TGS1: variants seen among roughly 807,000 people sequenced by gnomAD.
TGS1 encodes the protein trimethylguanosine synthase.
Under a neutral mutation model 92.2 loss-of-function variants are expected in TGS1, and 69 were observed. That is an observed-to-expected ratio of 0.75 (90% CI 0.62 to 0.91). The LOEUF (loss-of-function observed/expected upper bound fraction) is 0.91. Among genes scored for constraint, TGS1 ranks in the 40% least tolerant of loss-of-function variants. TGS1 has a pLI of 0.00. For missense variants in TGS1, 1,062 were observed against 1,001.2 expected, an observed-to-expected ratio of 1.06 and a Z score of -0.82; for synonymous variants, 345 against 338.1, an observed-to-expected ratio of 1.02 and a Z score of -0.22.
At chr8:55,806,959 A>G (rs6474021) in intron 10 of TGS1, among the ~76,000 whole-genome samples, 126,332 of 150,662 alleles carry the variant, frequency 0.84, 53,400 homozygotes, top group African/African-American at 0.95. Context: ...ACGGGGTCTC[A>G]CTCTGTCGCC....
intron 1 of TGS1, among the ~76,000 whole-genome samples, chr8:55,774,711 T>G (rs1811333479): frequency 6.6e-6 from 1 of 152,220 alleles, no homozygotes. Flanking sequence ...AAGATCAATA[T>G]TAAGATAACT....
chr8:55,815,499 G>A (rs926114259), intron 12 of TGS1, among the ~76,000 whole-genome samples: 9 of 152,116 alleles, frequency 5.9e-5, no homozygotes, highest in Admixed American at 1.3e-4. Flanking sequence ...CTTTTAGAAT[G>A]TTACAACAAC....
At chr8:55,808,596 C>T (rs970955666) in intron 10 of TGS1, among the ~76,000 whole-genome samples, 7 of 151,702 alleles carry the variant, frequency 4.6e-5, no homozygotes, top group Non-Finnish European at 7.4e-5. Context: ...ACAACCTTCA[C>T]CTCCTGGGTT....
At chr8:55,814,596 G>A (rs1803422680) in intron 12 of TGS1, among the ~76,000 whole-genome samples, 1 of 149,780 alleles carries the variant, frequency 6.7e-6, no homozygotes, top group African/African-American at 2.5e-5. Flanking sequence ...GGCCAAGGCA[G>A]GCAGATCGCT....
chr8:55,795,510 G>A (rs1016510510), intron 6 of TGS1, among the ~76,000 whole-genome samples: 1 of 152,114 alleles, frequency 6.6e-6, no homozygotes, highest in African/African-American at 2.4e-5. Flanking sequence ...GTTAAATCAG[G>A]CATTCTCTAA....
intron 12 of TGS1, among the ~76,000 whole-genome samples, chr8:55,819,006 A>G (rs1803561369): frequency 6.6e-6 from 1 of 152,182 alleles, no homozygotes; most frequent in South Asian, 2.1e-4. Flanking sequence ...GTACAGTGAC[A>G]TGATCACAGC....
intron 1 of TGS1, among the ~76,000 whole-genome samples, chr8:55,781,815 G>A (rs1563450118): frequency 6.6e-6 from 1 of 152,212 alleles, no homozygotes; most frequent in African/African-American, 2.4e-5. Context: ...GAAAAGTTAT[G>A]TTAGCTTCCA....
intron 1 of TGS1, among the ~76,000 whole-genome samples, chr8:55,778,849 G>A (rs1294139532): frequency 6.6e-6 from 1 of 152,186 alleles, no homozygotes; most frequent in East Asian, 1.9e-4. Context: ...CTTATATTCA[G>A]CATTTATTTC....
chr8:55,773,612 TG>T lies in TGS1; in HGVS notation c.-5del. On this transcript the variant is annotated 5_prime_UTR_variant, in exon 1 of 13. Coordinates refer to ENST00000260129, the MANE Select transcript of TGS1 (RefSeq NM_024831.8). Reference sequence around the variant, plus strand: ...GCGTACGTCAGAGCTGCCTCCGAAGTGGTAAAATGTGCTGCGAGAAGTGGAG... The same window carrying T: ...GCGTACGTCAGAGCTGCCTCCGAAGTGTAAAATGTGCTGCGAGAAGTGGAG... 3 of 1,606,910 alleles carry T rather than the reference TG, an allele frequency of 1.9e-6. No individual in the cohort carries two copies. The highest frequency in any genetic ancestry group is 2.5e-6 in the Non-Finnish European group (3 of 1,176,992).
intron 12 of TGS1, among the ~76,000 whole-genome samples, chr8:55,819,377 A>C (rs1241867594): frequency 7.4e-6 from 1 of 135,526 alleles, no homozygotes; most frequent in African/African-American, 2.8e-5. Flanking sequence ...GCTCACCACA[A>C]CCTCCACTTC....
chr8:55,821,716 AC>A (rs1325877970), intron 12 of TGS1, among the ~76,000 whole-genome samples: 3 of 151,936 alleles, frequency 2.0e-5, no homozygotes, highest in African/African-American at 4.8e-5. Flanking sequence ...TACTAAAAAT[AC>A]AAAAAATTAG....
chr8:55,785,383 G>A (rs1254944173), intron 2 of TGS1, among the ~76,000 whole-genome samples: 1 of 151,694 alleles, frequency 6.6e-6, no homozygotes, highest in Non-Finnish European at 1.5e-5. Flanking sequence ...TTGTTTGTTT[G>A]TTTTCTTTTT....
At chr8:55,794,678 A>C (rs866796214) in intron 6 of TGS1, among the ~76,000 whole-genome samples, 2 of 152,258 alleles carry the variant, frequency 1.3e-5, no homozygotes. Context: ...CTCTGGGATT[A>C]AATGCCCAAG....
At chr8:55,819,420 C>A (rs1803575063) in intron 12 of TGS1, among the ~76,000 whole-genome samples, 1 of 151,614 alleles carries the variant, frequency 6.6e-6, no homozygotes, top group Non-Finnish European at 1.5e-5. Flanking sequence ...CCTCAGCCTC[C>A]CAAGTAGCTG....
chr8:55,818,051 A>G (rs1383322840), intron 12 of TGS1, among the ~76,000 whole-genome samples: 1 of 152,218 alleles, frequency 6.6e-6, no homozygotes, highest in Non-Finnish European at 1.5e-5. Flanking sequence ...ATTCTGCCAC[A>G]CAGCGACAGT....
chr8:55,792,775 C>G lies in TGS1; in HGVS notation c.1358C>G (p.Ser453Ter). ...SGSLLGFKYGSGQKYGGIPNF... is the reference protein window; with the variant it reads ...SGSLLGFKYG ...TCCCTTCTAGGATTCAAGTATGGCT[C>G]AGGACAAAAGTAATTATTCATAAAA... Residue 453 changes from serine to a stop codon, truncating the protein, a stop_gained, in exon 6 of 13, where the codon TCA becomes TGA. Transcript: ENST00000260129. LOFTEE classifies it high-confidence loss of function. 6.2e-7 allele frequency: 1 copy of G among 1,612,148 alleles called. No individual in the cohort carries two copies. The highest frequency in any genetic ancestry group is 8.5e-7 in the Non-Finnish European group (1 of 1,178,300).
intron 7 of TGS1, among the ~76,000 whole-genome samples, chr8:55,796,619 C>T (rs944642324): frequency 7.9e-5 from 12 of 151,158 alleles, no homozygotes; most frequent in African/African-American, 2.7e-4. Context: ...ACCCGGGAGG[C>T]GAAGGTTGCA....
intron 10 of TGS1, 148 bp from the exon 11 acceptor site, chr8:55,810,733 C>A: frequency 6.3e-6 from 4 of 633,008 alleles, no homozygotes; most frequent in Non-Finnish European, 8.3e-6. Flanking sequence ...AAACTGAAGT[C>A]TGTATCTCGG....
chr8:55,810,106 C>T (rs1366034029), intron 10 of TGS1, among the ~76,000 whole-genome samples: 1 of 152,218 alleles, frequency 6.6e-6, no homozygotes, highest in Non-Finnish European at 1.5e-5. Flanking sequence ...CTAGCATTTT[C>T]TGGAAAACAA....
Sources: allele counts gnomAD v4.1 joint callset (sites outside exome capture counted in the v4.1 genomes callset), GRCh38; gene constraint gnomAD v4.1.1; transcripts MANE v1.5; gene names NCBI Gene and HGNC (gene_info 2026-07-23, HGNC 2026-07-21).